Variants in GGA1 observed in about 807,000 individuals in gnomAD.
The protein encoded by GGA1 is golgi associated, gamma adaptin ear containing, ARF binding protein 1.
A neutral mutation model predicts 76.9 loss-of-function variants in GGA1; 18 were observed. That is an observed-to-expected ratio of 0.23 (90% CI 0.16 to 0.35). The LOEUF (loss-of-function observed/expected upper bound fraction) is 0.35. Among genes scored for constraint, GGA1 ranks in the 10% least tolerant of loss-of-function variants. The pLI, the probability that GGA1 is intolerant of heterozygous loss-of-function variation, is 1.00. For synonymous variants in GGA1, 342 were observed against 354.7 expected (o/e 0.96, Z 0.40); for missense variants, 755 against 859.0 (o/e 0.88, Z 1.51).
Position 37,625,019 on chromosome 22 carries a change from A to G in GGA1, c.883A>G (p.Lys295Glu), listed in dbSNP as rs748168677. Residue 295 changes from lysine to glutamate, a missense_variant, in exon 10 of 17, where the codon AAG becomes GAG. By Grantham distance (56) the Lys-to-Glu change is moderately conservative (BLOSUM62 1). Transcript: ENST00000343632. This position sits in a 1 kb window ranked among gnomAD's most constrained non-coding sequence, Gnocchi z 4.1. ...CCTCACCCAGGTGATCAACCTGTAT[A>G]AGCAGCTGGTGCGGGGTGAGGAGGT... ...DNLTQVINLY[K>E]QLVRGEEVNG... The G allele has an allele frequency of 1.2e-6, 2 of 1,602,854 alleles. No individual in the cohort carries two copies. Among genetic ancestry groups the G allele is most frequent in the Non-Finnish European group, 8.5e-7 (1 of 1,175,464 alleles).
chr22:37,628,245 A>AT (rs918378917), intron 11 of GGA1, among the ~76,000 whole-genome samples: 2 of 151,952 alleles, frequency 1.3e-5, no homozygotes, highest in Non-Finnish European at 2.9e-5. Context: ...GCATTGGCTA[A>AT]TTTTTTTTCC....
chr22:37,613,649 T>C (rs938484819), intron 1 of GGA1, among the ~76,000 whole-genome samples: 1 of 152,010 alleles, frequency 6.6e-6, no homozygotes, highest in African/African-American at 2.4e-5. Flanking sequence ...TCCACCCACC[T>C]CAGCCTCCCA....
intron 2 of GGA1, among the ~76,000 whole-genome samples, chr22:37,614,512 C>T (rs763680296): frequency 4.6e-5 from 7 of 152,214 alleles, no homozygotes; most frequent in Non-Finnish European, 8.8e-5. Context: ...GCCCCCACAT[C>T]TCACAGGGAG....
rs1175635074 is a variant in GGA1 at position 37,625,475 on chromosome 22, G to A, written c.941-322G>A. Among the ~76,000 whole-genome samples the A allele has an allele frequency of 6.6e-6, 1 of 152,076 alleles. No individual in the cohort carries two copies. The highest frequency in any genetic ancestry group is 1.5e-5 in the Non-Finnish European group (1 of 68,008). ...GGCAGCCTTGGGGGGTCACAAAAGG[G>A]GTTAGAATTGGTTCTGTTAGGGAGA... On this transcript the variant is annotated intron_variant, in intron 10 of 16. Transcript: ENST00000343632. This position sits in a 1 kb window ranked among gnomAD's most constrained non-coding sequence, Gnocchi z 4.1.
chr22:37,626,265 G>A, intron 11 of GGA1: 1 of 239,738 alleles, frequency 4.2e-6, no homozygotes, highest in East Asian at 7.8e-5. Flanking sequence ...CTGGAATTGA[G>A]AACTGTCTGG....
chr22:37,614,103 C>T, intron 1 of GGA1, 87 bp from the exon 2 acceptor site: 1 of 920,898 alleles, frequency 1.1e-6, no homozygotes, highest in Non-Finnish European at 1.8e-6. Flanking sequence ...TCCTCTCCCA[C>T]TCCTGACCAC....
At chr22:37,615,166 C>T (rs1217953905) in intron 2 of GGA1, among the ~76,000 whole-genome samples, 1 of 152,030 alleles carries the variant, frequency 6.6e-6, no homozygotes, top group Non-Finnish European at 1.5e-5. Flanking sequence ...AAAAAATAGG[C>T]CAGGCATGGT....
Position 37,632,278 on chromosome 22 carries a change from G to A in GGA1, c.1698+113G>A. 7.7e-7 allele frequency: 1 copy of A among 1,296,276 alleles called. No individual in the cohort carries two copies. Among genetic ancestry groups the A allele is most frequent in the Non-Finnish European group, 1.1e-6 (1 of 912,898 alleles). The allele number at this position is 1,296,276 out of a possible 1,614,324, so 80.3% of individuals were successfully genotyped here. On this transcript the variant is annotated intron_variant, in intron 15 of 16. Transcript: ENST00000343632. The surrounding 1 kb of genome is among the most constrained non-coding windows in gnomAD (Gnocchi z 5.1). ...GGTCTCCCTCCCTTGCTGGGTGGTT[G>A]GTGTAGAAGGGACCAGAAGGACTGA...
intron 3 of GGA1, 75 bp from the exon 4 acceptor site, chr22:37,618,373 T>C: frequency 1.2e-6 from 1 of 825,224 alleles, no homozygotes; most frequent in South Asian, 1.4e-5. Context: ...TTCTGGCCCC[T>C]GTCCAAGGCG....
At chr22:37,622,421 G>T (rs969166022) in intron 7 of GGA1, among the ~76,000 whole-genome samples, 2 of 151,254 alleles carry the variant, frequency 1.3e-5, no homozygotes, top group African/African-American at 4.9e-5. Context: ...TTGCCTGGGT[G>T]CCTGCTGAAA....
rs372261360 is a variant in GGA1 at position 37,633,020 on chromosome 22, G to C, written c.*309G>C. 58 of 366,986 alleles carry C rather than the reference G, an allele frequency of 1.6e-4. 1 individual carries two copies. Among genetic ancestry groups the C allele is most frequent in the East Asian group, 1.1e-3 (21 of 19,032 alleles). 22.7% of individuals were successfully genotyped at this position (366,986 alleles called of 1,614,324 possible). A position where few individuals can be genotyped will look rare whatever the true frequency, so the allele number is the denominator to read the frequency against. On this transcript the variant is annotated 3_prime_UTR_variant, in exon 17 of 17. Transcript: ENST00000343632. ...TGGGTCATGGGGAGGAAGCACAGCT[G>C]TTGGGGAAGGGCCAGGACCTCAGGC...
chr22:37,626,794 A>G (rs1466413088), intron 11 of GGA1: 2 of 152,170 alleles, frequency 1.3e-5, no homozygotes, highest in African/African-American at 4.8e-5. Flanking sequence ...CCACTACTGC[A>G]CTCTGTCCTG....
chr22:37,622,359 G>A (rs1336690367), intron 7 of GGA1, among the ~76,000 whole-genome samples: 2 of 151,580 alleles, frequency 1.3e-5, no homozygotes, highest in Non-Finnish European at 2.9e-5. Flanking sequence ...GGGATTACAG[G>A]CATGAGCCAC....
chr22:37,631,190 G>C, intron 14 of GGA1, 91 bp downstream of exon 14: 2 of 1,060,498 alleles, frequency 1.9e-6, no homozygotes, highest in Non-Finnish European at 2.7e-6. Context: ...GGAAAGCAGG[G>C]CTCCCCTGGC....
chr22:37,619,056 A>C (rs1268475899), intron 4 of GGA1, among the ~76,000 whole-genome samples: 1 of 152,122 alleles, frequency 6.6e-6, no homozygotes, highest in African/African-American at 2.4e-5. Context: ...CCCACAGACC[A>C]TGAACGTTTC....
Position 37,623,696 on chromosome 22 carries a change from TC to T in GGA1, c.832+68del. On this transcript the variant is annotated intron_variant, in intron 9 of 16. Coordinates refer to ENST00000343632, the MANE Select transcript of GGA1 (RefSeq NM_013365.5). This position sits in a 1 kb window ranked among gnomAD's most constrained non-coding sequence, Gnocchi z 4.6. ...TCTCCCTCCACCTCCTGCCCCCACC[TC>T]CCCCAGGCCCTGCTAAGTATCTGCA... 1.0e-6 allele frequency: 1 copy of T among 961,758 alleles called. No homozygotes were observed. Among genetic ancestry groups the T allele is most frequent in the Non-Finnish European group, 1.5e-6 (1 of 686,266 alleles). The allele number at this position is 961,758 out of a possible 1,614,324, so 59.6% of individuals were successfully genotyped here. A position where few individuals can be genotyped will look rare whatever the true frequency, so the allele number is the denominator to read the frequency against.
chr22:37,628,865 T>C (rs1316746633), intron 11 of GGA1, among the ~76,000 whole-genome samples: 1 of 152,218 alleles, frequency 6.6e-6, no homozygotes, highest in Non-Finnish European at 1.5e-5. Context: ...ACCTGCTGCC[T>C]CCTTCCCATC....
At position 37,623,666 on chromosome 22, in the gene GGA1, C is replaced by T. The variant is rs1377983753; in HGVS notation, c.832+33C>T. ...CAGGGCAGGTGCTGAGGTCAGGTCC[C>T]CCCCTCTCCCTCCACCTCCTGCCCC... On this transcript the variant is annotated intron_variant, in intron 9 of 16. Coordinates refer to ENST00000343632, the MANE Select transcript of GGA1 (RefSeq NM_013365.5). The surrounding 1 kb of genome is among the most constrained non-coding windows in gnomAD (Gnocchi z 4.6). 2 of 1,396,726 alleles carry T rather than the reference C, an allele frequency of 1.4e-6. No individual in the cohort carries two copies. The highest frequency in any genetic ancestry group is 2.5e-5 in the South Asian group (2 of 81,522). 86.5% of individuals were successfully genotyped at this position (1,396,726 alleles called of 1,614,324 possible). A position where few individuals can be genotyped will look rare whatever the true frequency, so the allele number is the denominator to read the frequency against.
At chr22:37,612,884 G>A (rs1927995759) in intron 1 of GGA1, 2 of 981,856 alleles carry the variant, frequency 2.0e-6, no homozygotes, top group Non-Finnish European at 2.4e-6. Context: ...GGTTAAAGGG[G>A]TAGCTGTCTG....
Sources: allele counts gnomAD v4.1 joint callset (sites outside exome capture counted in the v4.1 genomes callset), GRCh38; gene constraint gnomAD v4.1.1; non-coding constraint Gnocchi (gnomAD v3.1); transcripts MANE v1.5; gene names NCBI Gene and HGNC (gene_info 2026-07-23, HGNC 2026-07-21).